Variants in ZNF385D observed in about 807,000 individuals in gnomAD.
ZNF385D encodes the protein zinc finger protein 659.
A neutral mutation model predicts 35.8 loss-of-function variants in ZNF385D; 15 were observed. The ratio of observed to expected loss-of-function variants is 0.42; its 90% CI spans 0.28 to 0.64. The LOEUF is 0.64. Ranked by LOEUF, ZNF385D falls within the 30% of genes least tolerant of loss-of-function variation. The pLI is 0.23. For missense variants in ZNF385D, 474 were observed against 494.6 expected, an observed-to-expected ratio of 0.96 and a Z score of 0.39; for synonymous variants, 212 against 186.8, an observed-to-expected ratio of 1.13 and a Z score of -1.10.
At chr3:21,639,015 T>C (rs1415570729) in intron 2 of ZNF385D, among the ~76,000 whole-genome samples, 1 of 152,128 alleles carries the variant, frequency 6.6e-6, no homozygotes, top group African/African-American at 2.4e-5. Context: ...TACGCATACA[T>C]ATTTTAACAT....
At chr3:21,565,841 A>C (rs1022022277) in intron 2 of ZNF385D, among the ~76,000 whole-genome samples, 2 of 152,206 alleles carry the variant, frequency 1.3e-5, no homozygotes, top group Admixed American at 1.3e-4. Context: ...AAATTATTTG[A>C]TACACTCAAA....
chr3:21,765,044 T>G (rs566295397), intron 3 of ZNF385D, among the ~76,000 whole-genome samples: 4 of 152,150 alleles, frequency 2.6e-5, no homozygotes, highest in African/African-American at 9.6e-5. Flanking sequence ...ATATCTGCAG[T>G]GGCCAGAAAT....
chr3:21,630,634 A>G (rs1050691723), intron 2 of ZNF385D, among the ~76,000 whole-genome samples: 3 of 152,144 alleles, frequency 2.0e-5, no homozygotes, highest in Non-Finnish European at 4.4e-5. Context: ...GCACATCTGT[A>G]AAATAGAAAC....
intron 3 of ZNF385D, among the ~76,000 whole-genome samples, chr3:21,524,714 T>C (rs1047764179): frequency 1.3e-5 from 2 of 152,258 alleles, no homozygotes; most frequent in East Asian, 3.9e-4. Context: ...CCTCCAAACC[T>C]GGCAGTAAGG....
intron 3 of ZNF385D, among the ~76,000 whole-genome samples, chr3:22,111,975 A>G (rs1439429144): frequency 6.6e-6 from 1 of 152,146 alleles, no homozygotes; most frequent in Non-Finnish European, 1.5e-5. Flanking sequence ...TAAAAAATAG[A>G]AAAGTCGGCT....
At chr3:21,716,810 T>C (rs541937127) in intron 1 of ZNF385D, among the ~76,000 whole-genome samples, 3 of 152,292 alleles carry the variant, frequency 2.0e-5, no homozygotes, top group South Asian at 2.1e-4. Context: ...GTTTTGTTCA[T>C]TGCTCTGCCC....
intron 1 of ZNF385D, among the ~76,000 whole-genome samples, chr3:21,747,687 T>C (rs1006936301): frequency 6.6e-6 from 1 of 152,194 alleles, no homozygotes; most frequent in African/African-American, 2.4e-5. Context: ...GAGCAATTGC[T>C]GGGGTGCACT....
chr3:22,163,597 A>G (rs1706113479), intron 3 of ZNF385D, among the ~76,000 whole-genome samples: 1 of 152,214 alleles, frequency 6.6e-6, no homozygotes, highest in Non-Finnish European at 1.5e-5. Context: ...CAATATTCAA[A>G]TATCAAATAA....
chr3:21,681,318 A>AC (rs1314174677), intron 1 of ZNF385D, among the ~76,000 whole-genome samples: 11 of 150,202 alleles, frequency 7.3e-5, no homozygotes, highest in Non-Finnish European at 1.5e-4. Flanking sequence ...AAAAAAAAAA[A>AC]AAAAAACCTA....
chr3:22,194,034 A>T (rs1465552833), intron 2 of ZNF385D, among the ~76,000 whole-genome samples: 1 of 151,886 alleles, frequency 6.6e-6, no homozygotes, highest in Non-Finnish European at 1.5e-5. Context: ...GAGGTAGAAC[A>T]CTTCTCTGTA....
At chr3:21,776,735 G>T (rs2071304172) in intron 3 of ZNF385D, among the ~76,000 whole-genome samples, 2 of 151,876 alleles carry the variant, frequency 1.3e-5, no homozygotes, top group Non-Finnish European at 2.9e-5. Context: ...GTTGAACAAA[G>T]AATATATACA....
At chr3:22,207,044 A>G (rs1697204935) in intron 2 of ZNF385D, among the ~76,000 whole-genome samples, 3 of 151,876 alleles carry the variant, frequency 2.0e-5, no homozygotes, top group Admixed American at 6.6e-5. Flanking sequence ...AGAAGAGCCA[A>G]ATAAATAAAA....
intron 3 of ZNF385D, among the ~76,000 whole-genome samples, chr3:22,021,641 A>G (rs1164290138): frequency 6.6e-6 from 1 of 152,112 alleles, no homozygotes; most frequent in African/African-American, 2.4e-5. Context: ...CAAATACTCA[A>G]TACAAGTTGA....
At chr3:22,361,770 A>T (rs1032623562) in intron 2 of ZNF385D, among the ~76,000 whole-genome samples, 1 of 151,978 alleles carries the variant, frequency 6.6e-6, no homozygotes, top group East Asian at 1.9e-4. Flanking sequence ...GTTGCCACCC[A>T]CAAATTACTT....
intron 2 of ZNF385D, among the ~76,000 whole-genome samples, chr3:22,281,071 C>A (rs1447907725): frequency 6.6e-6 from 1 of 151,930 alleles, no homozygotes; most frequent in Non-Finnish European, 1.5e-5. Context: ...CTACTGATTT[C>A]TGTACATTCA....
intron 4 of ZNF385D, among the ~76,000 whole-genome samples, chr3:21,437,709 A>AAAAAC (rs1701637831): frequency 6.8e-6 from 1 of 148,026 alleles, no homozygotes; most frequent in Non-Finnish European, 1.5e-5. Flanking sequence ...TACAAAAAAA[A>AAAAAC]AAAAAAAAAA....
At chr3:22,070,937 G>C (rs188220262) in intron 3 of ZNF385D, among the ~76,000 whole-genome samples, 26 of 152,224 alleles carry the variant, frequency 1.7e-4, no homozygotes, top group Middle Eastern at 3.4e-3. Flanking sequence ...CTTATTAACA[G>C]TATAGGTGTT....
At chr3:21,802,676 G>C (rs976308186) in intron 3 of ZNF385D, among the ~76,000 whole-genome samples, 4 of 152,166 alleles carry the variant, frequency 2.6e-5, no homozygotes, top group South Asian at 2.1e-4. Flanking sequence ...ACACTCAATA[G>C]AACACTTGTC....
intron 6 of ZNF385D, 129 bp from the exon 7 acceptor site, chr3:21,424,193 T>C: frequency 1.4e-6 from 1 of 701,048 alleles, no homozygotes; most frequent in South Asian, 2.4e-5. Flanking sequence ...AAATAAAAGA[T>C]CATGCACTTT....
Sources: gnomAD v4.1 joint callset for allele counts (sites outside exome capture counted in the v4.1 genomes callset) on GRCh38, gnomAD v4.1.1 for gene constraint, MANE v1.5 for transcripts, NCBI Gene and HGNC (gene_info 2026-07-23, HGNC 2026-07-21) for gene names.